Variants in TBXAS1 observed in about 807,000 individuals in gnomAD.
TBXAS1 encodes thromboxane A synthase 1.
In TBXAS1, 48 loss-of-function variants were observed where a neutral mutation model predicts 60.7. The observed-to-expected ratio is 0.79, with a 90% CI of 0.63 to 1.01. TBXAS1 has a LOEUF of 1.01. Among genes scored for constraint, TBXAS1 ranks in the 50% least tolerant of loss-of-function variants. The probability of loss-of-function intolerance (pLI) is 0.00; values close to 1 mark genes in which losing one functional copy is unlikely to be tolerated. For missense variants in TBXAS1, 685 were observed against 686.3 expected (o/e 1.00, Z 0.02); for synonymous variants, 287 against 269.7 (o/e 1.06, Z -0.63).
chr7:139,826,291 C>T (rs147042527), upstream of TBXAS1, among the ~76,000 whole-genome samples: 186 of 152,146 alleles, frequency 1.2e-3, no homozygotes, highest in Non-Finnish European at 1.6e-3. Context: ...AGGTAGCCTA[C>T]TGAAAAAGGA....
chr7:139,785,037 C>T (rs1797143002), intron 3 of TBXAS1, among the ~76,000 whole-genome samples: 1 of 152,180 alleles, frequency 6.6e-6, no homozygotes, highest in Non-Finnish European at 1.5e-5. Context: ...ACTCAGGAAT[C>T]TCTGGGGGTG....
At chr7:139,882,434 T>G (rs1802766516) in intron 3 of TBXAS1, among the ~76,000 whole-genome samples, 1 of 152,174 alleles carries the variant, frequency 6.6e-6, no homozygotes, top group African/African-American at 2.4e-5. Flanking sequence ...CTCAGTAGAA[T>G]CATAGATGTT....
In TBXAS1 at chr7:139,851,083, G is replaced by A. The variant is rs956323022; in HGVS notation, c.90-21152G>A. Among the ~76,000 whole-genome samples the A allele has an allele frequency of 5.9e-5, 9 of 152,340 alleles. No individual in the cohort carries two copies. In the East Asian group the frequency reaches 1.5e-3, roughly 26 times the overall value. ...GCCAAAGCATCCCATTGGCCTTACT[G>A]AGCCAAAGCATCCCATTGCATCATG... On this transcript the variant is annotated intron_variant, in intron 1 of 12. Coordinates refer to ENST00000448866, the MANE Select transcript of TBXAS1 (RefSeq NM_001061.7).
At chr7:139,957,536 G>A (rs571001212) in intron 7 of TBXAS1, 98 bp from the exon 8 acceptor site, 22 of 1,569,192 alleles carry the variant, frequency 1.4e-5, no homozygotes, top group East Asian at 1.4e-4. Flanking sequence ...AAACGGCTCC[G>A]ATTCCAGGCC....
chr7:139,889,762 G>C (rs548940348), intron 3 of TBXAS1, among the ~76,000 whole-genome samples: 1 of 152,320 alleles, frequency 6.6e-6, no homozygotes, highest in African/African-American at 2.4e-5. Context: ...TCCTGTTCAA[G>C]AGGGCTCTGC....
Position 139,953,440 on chromosome 7 carries a change from G to A in TBXAS1, c.523G>A (p.Ala175Thr), listed in dbSNP as rs1809574430. The A allele has an allele frequency of 1.9e-6, 3 of 1,613,976 alleles. No individual in the cohort carries two copies. The highest frequency in any genetic ancestry group is 1.3e-5 in the African/African-American group (1 of 74,928). ...AAAACGCTATGCGGAATCTGGGGAC[G>A]CATTTGACATCCAGAGGTAAGGCTG... ...HLKRYAESGD[A>T]FDIQRCYCNY... is the part of the protein sequence containing the mutation. Residue 175 changes from alanine (A) to threonine (T), a missense_variant, in exon 6 of 13, where the codon GCA becomes ACA. Physicochemically the swap from Ala to Thr is moderately conservative, Grantham distance 58. Coordinates refer to ENST00000448866, the MANE Select transcript of TBXAS1 (RefSeq NM_001061.7).
chr7:139,863,346 G>T (rs1801104631), intron 1 of TBXAS1, among the ~76,000 whole-genome samples: 1 of 152,146 alleles, frequency 6.6e-6, no homozygotes, highest in Non-Finnish European at 1.5e-5. Context: ...AGATATTTAT[G>T]TATTTATTGA....
At chr7:139,854,427 AG>A (rs1227114698) in intron 1 of TBXAS1, among the ~76,000 whole-genome samples, 1 of 152,174 alleles carries the variant, frequency 6.6e-6, no homozygotes, top group Admixed American at 6.5e-5. Flanking sequence ...CAGGGAGCCA[AG>A]GAAGAATTCT....
chr7:139,797,866 CATTT>C (rs1257724165), intron 4 of TBXAS1, among the ~76,000 whole-genome samples: 1 of 152,208 alleles, frequency 6.6e-6, no homozygotes, highest in Admixed American at 6.5e-5. Flanking sequence ...CCACAGCATT[CATTT>C]GATTCCATGC....
rs140512341 is a variant in TBXAS1 at position 139,906,136 on chromosome 7, A to C, written c.237-5089A>C. The C allele has an allele frequency of 2.8e-4, 106 of 378,036 alleles. No individual in the cohort carries two copies. In the East Asian group the frequency reaches 8.8e-3, roughly 32 times the overall value. 23.4% of individuals were successfully genotyped at this position (378,036 alleles called of 1,614,324 possible). ...AGTGGCTTGATCTTGGATCACTGCA[A>C]CCTCCACCTTCCAGGTTCAAGCAAT... On this transcript the variant is annotated intron_variant, in intron 3 of 12. Transcript: ENST00000448866.
At chr7:139,802,424 G>C (rs1797744497) in intron 4 of TBXAS1, among the ~76,000 whole-genome samples, 1 of 152,102 alleles carries the variant, frequency 6.6e-6, no homozygotes, top group African/African-American at 2.4e-5. Context: ...TGAATCATGG[G>C]GGTGTGTTTT....
At chr7:139,932,173 A>G (rs1807388216) in intron 4 of TBXAS1, among the ~76,000 whole-genome samples, 1 of 151,976 alleles carries the variant, frequency 6.6e-6, no homozygotes, top group Non-Finnish European at 1.5e-5. Flanking sequence ...TCTCAAAAAA[A>G]AAAAAAAAAA....
intron 3 of TBXAS1, among the ~76,000 whole-genome samples, chr7:139,902,568 G>A (rs1470341259): frequency 1.3e-5 from 2 of 152,174 alleles, no homozygotes; most frequent in African/African-American, 4.8e-5. Flanking sequence ...CAAAGCTGCT[G>A]TAAACATTCA....
At chr7:140,005,623 CG>C (rs1369239153) in intron 9 of TBXAS1, among the ~76,000 whole-genome samples, 4 of 152,050 alleles carry the variant, frequency 2.6e-5, no homozygotes, top group African/African-American at 7.3e-5. Flanking sequence ...GAAATGCAGA[CG>C]GGAGAGCTTT....
intron 5 of TBXAS1, among the ~76,000 whole-genome samples, chr7:139,952,365 A>G (rs1480767849): frequency 6.6e-6 from 1 of 152,220 alleles, no homozygotes; most frequent in Admixed American, 6.5e-5. Flanking sequence ...ATGAAGAAAC[A>G]GACTAAGATC....
At chr7:139,919,643 C>T (rs1806294719) in intron 4 of TBXAS1, among the ~76,000 whole-genome samples, 1 of 152,196 alleles carries the variant, frequency 6.6e-6, no homozygotes, top group African/African-American at 2.4e-5. Context: ...AAATGCATTC[C>T]ATGCATTTGC....
At chr7:139,989,632 TCCTCCCCATCTC>T (rs1452187020) in intron 9 of TBXAS1, among the ~76,000 whole-genome samples, 2 of 152,150 alleles carry the variant, frequency 1.3e-5, no homozygotes, top group Admixed American at 1.3e-4. Context: ...CCTCACAGCA[TCCTCCCCATCTC>T]CCTGGCCCGG....
At chr7:140,012,276 G>T (rs1294326729) in intron 10 of TBXAS1, among the ~76,000 whole-genome samples, 1 of 152,188 alleles carries the variant, frequency 6.6e-6, no homozygotes, top group Non-Finnish European at 1.5e-5. Flanking sequence ...AGATCTGTTG[G>T]AGTGGGATAA....
rs987605711 is a variant in TBXAS1, at chr7:139,852,135, G to T, written c.90-20100G>T. ...CCCAAAGCACCTAGCTGATCTGCTC[G>T]CAGACTCCTGACCCTCAGAATCTGT... On this transcript the variant is annotated intron_variant, in intron 1 of 12. Coordinates refer to ENST00000448866, the MANE Select transcript of TBXAS1 (RefSeq NM_001061.7). This position sits in a 1 kb window ranked among gnomAD's most constrained non-coding sequence, Gnocchi z 4.4. Among the ~76,000 whole-genome samples, 1 of 152,184 alleles carries T rather than the reference G, an allele frequency of 6.6e-6. No homozygotes were observed. Among genetic ancestry groups the T allele is most frequent in the South Asian group, 2.1e-4 (1 of 4,832 alleles).
Sources: allele counts gnomAD v4.1 joint callset (sites outside exome capture counted in the v4.1 genomes callset), GRCh38; gene constraint gnomAD v4.1.1; non-coding constraint Gnocchi (gnomAD v3.1); transcripts MANE v1.5; gene names NCBI Gene and HGNC (gene_info 2026-07-23, HGNC 2026-07-21).